Variants in CERK observed in about 807,000 individuals in gnomAD.
The protein encoded by CERK is ceramide kinase, also known as acylsphingosine kinase.
A neutral mutation model predicts 63.4 loss-of-function variants in CERK; 39 were observed. That is an observed-to-expected ratio of 0.61 (90% CI 0.48 to 0.80). CERK has a LOEUF of 0.80. Among genes scored for constraint, CERK ranks in the 30% least tolerant of loss-of-function variants. The probability of loss-of-function intolerance (pLI) is 0.00; values close to 1 mark genes in which losing one functional copy is unlikely to be tolerated. For missense variants in CERK, 670 were observed against 714.1 expected (o/e 0.94, Z 0.70); for synonymous variants, 302 against 280.0 (o/e 1.08, Z -0.78).
rs1349252894 is a variant in CERK at position 46,690,121 on chromosome 22, T to A, written c.1412A>T (p.Asp471Val). The change falls in exon 12 of 13, where the codon GAC (aspartate) becomes GTC (valine). Residue 471 changes from aspartate (D) to valine (V), a missense_variant. Asp to Val is a radical substitution (Grantham distance 152). Coordinates refer to ENST00000216264, the MANE Select transcript of CERK (RefSeq NM_022766.6). ...TSKHMEDEDS[D>V]LKEGGKKRFG... is the part of the protein sequence containing the mutation. ...GCGCTTCTTCCCCCCCTCCTTGAGG[T>A]CGCTGTCCTCATCCTCCATGTGCTT... The A allele has an allele frequency of 6.2e-7, 1 of 1,613,890 alleles. No homozygotes were observed. Among genetic ancestry groups the A allele is most frequent in the Non-Finnish European group, 8.5e-7 (1 of 1,179,940 alleles).
At position 46,686,938 on chromosome 22, in the gene CERK, C is replaced by G. The variant is rs2082704514; in HGVS notation, c.*196G>C. The G allele has an allele frequency of 3.6e-6, 2 of 558,884 alleles. No homozygotes were observed. The highest frequency in any genetic ancestry group is 6.1e-5 in the Admixed American group (2 of 32,608). 34.6% of individuals were successfully genotyped at this position (558,884 alleles called of 1,614,324 possible). A position where few individuals can be genotyped will look rare whatever the true frequency, so the allele number is the denominator to read the frequency against. Reference sequence around the variant, plus strand: ...GAGAGTAAGCGGCGTGGGCTGCAACCCGCAGATGCGTACAGAACTGAAAAT... The same window carrying G: ...GAGAGTAAGCGGCGTGGGCTGCAACGCGCAGATGCGTACAGAACTGAAAAT... On this transcript the variant is annotated 3_prime_UTR_variant, in exon 13 of 13. Coordinates refer to ENST00000216264, the MANE Select transcript of CERK (RefSeq NM_022766.6).
rs576788037 is a variant in CERK, at chr22:46,686,632, G to T, written c.*502C>A. 2 of 169,204 alleles carry T rather than the reference G, an allele frequency of 1.2e-5. No homozygotes were observed. Among genetic ancestry groups the T allele is most frequent in the African/African-American group, 4.8e-5 (2 of 41,750 alleles). The allele number at this position is 169,204 out of a possible 1,614,324, so 10.5% of individuals were successfully genotyped here. ...TGCACAGTATTGTAAGGATCAAGCA[G>T]CGATGTCCTAACCGTAAACGAAGAG... On this transcript the variant is annotated 3_prime_UTR_variant, in exon 13 of 13. Transcript: ENST00000216264.
chr22:46,695,721 T>G (rs2082752763), intron 8 of CERK, among the ~76,000 whole-genome samples: 1 of 152,246 alleles, frequency 6.6e-6, no homozygotes, highest in African/African-American at 2.4e-5. Context: ...GCCTCAGGGC[T>G]TGGCCCCCAC....
At position 46,702,356 on chromosome 22, in the gene CERK, G is replaced by A. The variant is rs530635139; in HGVS notation, c.716-646C>T. The stretch of plus-strand genomic sequence containing the variant: ...GTCGCCCAGGCTGGAGTGCGGTGGC[G>A]TGATCTTGGCTCACTGCAACCTCTG... On this transcript the variant is annotated intron_variant, in intron 6 of 12. Coordinates refer to ENST00000216264, the MANE Select transcript of CERK (RefSeq NM_022766.6). 2.0e-5 allele frequency among the ~76,000 whole-genome samples: 3 copies of A among 149,824 alleles called. No homozygotes were observed. The East Asian group carries it at 5.9e-4, about 30-fold the overall frequency.
intron 3 of CERK, among the ~76,000 whole-genome samples, chr22:46,719,247 G>A (rs1241495260): frequency 5.9e-5 from 9 of 151,890 alleles, no homozygotes; most frequent in East Asian, 1.9e-4. Context: ...GGTAAAGTGC[G>A]TGTCATGGGG....
intron 3 of CERK, among the ~76,000 whole-genome samples, chr22:46,715,585 C>A (rs1360231913): frequency 2.0e-5 from 3 of 152,174 alleles, no homozygotes; most frequent in Admixed American, 2.0e-4. Flanking sequence ...ACTTGGGAGG[C>A]TGAGGCAGGA....
chr22:46,723,709 CTTTTT>C (rs554068766), intron 1 of CERK, among the ~76,000 whole-genome samples: 1 of 147,252 alleles, frequency 6.8e-6, no homozygotes, highest in Admixed American at 6.8e-5. Flanking sequence ...GGGTTTTCTT[CTTTTT>C]TTTTTGTTTT....
At position 46,699,365 on chromosome 22, in the gene CERK, G is replaced by A. The variant is rs1004788048; in HGVS notation, c.891C>T (p.Ile297=). The change falls in exon 8 of 13, where the codon ATC becomes ATT. Residue 297 remains isoleucine (I), a synonymous_variant. Coordinates refer to ENST00000216264, the MANE Select transcript of CERK (RefSeq NM_022766.6). ...LLGYGFYGDI[I]KDSEKKRWLG... ...ACCACCGTTTCTTCTCACTGTCCTT[G>A]ATGATGTCCCCGTAGAAGCCGTAGC... The A allele has an allele frequency of 1.2e-6, 2 of 1,614,078 alleles. No individual in the cohort carries two copies. The highest frequency in any genetic ancestry group is 1.7e-6 in the Non-Finnish European group (2 of 1,180,018).
chr22:46,731,759 G>T (rs2082946433), intron 1 of CERK, among the ~76,000 whole-genome samples: 1 of 152,206 alleles, frequency 6.6e-6, no homozygotes, highest in South Asian at 2.1e-4. Context: ...GATCGGGGGA[G>T]GTCAGGAATG....
At position 46,685,964 on chromosome 22, in the gene CERK, C is replaced by G. The variant is rs1254851292; in HGVS notation, c.*1170G>C. The G allele has an allele frequency of 1.3e-5, 2 of 152,186 alleles. No homozygotes were observed. Among genetic ancestry groups the G allele is most frequent in the Non-Finnish European group, 2.9e-5 (2 of 68,054 alleles). The allele number at this position is 152,186 out of a possible 1,614,324, so 9.4% of individuals were successfully genotyped here. Reference sequence around the variant, plus strand: ...TCATATTTCAAACAAAACTACGTTACAGACATCATCTACGTGGGCACGGAT... The same window carrying G: ...TCATATTTCAAACAAAACTACGTTAGAGACATCATCTACGTGGGCACGGAT... On this transcript the variant is annotated 3_prime_UTR_variant, in exon 13 of 13. Coordinates refer to ENST00000216264, the MANE Select transcript of CERK (RefSeq NM_022766.6).
At chr22:46,734,055 T>C (rs981107353) in intron 1 of CERK, among the ~76,000 whole-genome samples, 20 of 120,780 alleles carry the variant, frequency 1.7e-4, no homozygotes, top group African/African-American at 4.9e-4. Context: ...ATATGTTATA[T>C]ATACATACAT....
chr22:46,718,566 A>G (rs575827765), intron 3 of CERK, among the ~76,000 whole-genome samples: 18 of 152,308 alleles, frequency 1.2e-4, no homozygotes, highest in African/African-American at 3.8e-4. Context: ...ACAGGGAAGT[A>G]TGGAAGCACA....
chr22:46,715,961 G>C (rs1300457940), intron 3 of CERK, among the ~76,000 whole-genome samples: 1 of 152,034 alleles, frequency 6.6e-6, no homozygotes. Context: ...TGAGGTGGGA[G>C]GATTCTTTGA....
chr22:46,690,579 C>A (rs1454208170), intron 11 of CERK, among the ~76,000 whole-genome samples: 1 of 152,150 alleles, frequency 6.6e-6, no homozygotes, highest in African/African-American at 2.4e-5. Flanking sequence ...ATTTTGTATT[C>A]TCTTTTTAAC....
intron 9 of CERK, among the ~76,000 whole-genome samples, chr22:46,694,271 C>A (rs1183450238): frequency 1.3e-5 from 2 of 152,148 alleles, no homozygotes; most frequent in African/African-American, 4.8e-5. Context: ...AGGCGCCCTC[C>A]ATGGTCACTA....
chr22:46,724,823 C>G (rs9616110), intron 1 of CERK, among the ~76,000 whole-genome samples: 468 of 152,024 alleles, frequency 3.1e-3, no homozygotes, highest in Non-Finnish European at 4.0e-3. Flanking sequence ...ATCGAGACCA[C>G]CCTGGCTAAC....
intron 8 of CERK, among the ~76,000 whole-genome samples, chr22:46,696,241 C>A (rs771057676): frequency 6.6e-5 from 10 of 152,188 alleles, no homozygotes; most frequent in Admixed American, 2.0e-4. Context: ...TAGGACAGCC[C>A]CGTCTGTGGG....
At chr22:46,725,271 A>G (rs1285764322) in intron 1 of CERK, among the ~76,000 whole-genome samples, 2 of 149,168 alleles carry the variant, frequency 1.3e-5, no homozygotes, top group Non-Finnish European at 2.9e-5. Flanking sequence ...AATCTGAGCA[A>G]ACGGAGAGCA....
chr22:46,710,155 G>A lies in CERK; in HGVS notation c.569+931C>T, dbSNP rs570251542. Among the ~76,000 whole-genome samples the A allele has an allele frequency of 7.2e-5, 11 of 152,294 alleles. No homozygotes were observed. In the South Asian group the frequency reaches 1.5e-3, roughly 20 times the overall value. On this transcript the variant is annotated intron_variant, in intron 5 of 12. Transcript: ENST00000216264. ...AAGAAAGAATGTAAACTGGCCGGGC[G>A]CGGTGGCTCATGCCTGTAATCCCAG...
Sources: gnomAD v4.1 joint callset for allele counts (sites outside exome capture counted in the v4.1 genomes callset) on GRCh38, gnomAD v4.1.1 for gene constraint, MANE v1.5 for transcripts, NCBI Gene and HGNC (gene_info 2026-07-23, HGNC 2026-07-21) for gene names.